The following NKAIN2 variants were observed in gnomAD, a reference collection of about 807,000 sequenced individuals.
The protein encoded by NKAIN2 is sodium/potassium transporting ATPase interacting 2, also known as sodium/potassium-transporting ATPase subunit beta-1-interacting protein 2.
A neutral mutation model predicts 32.6 loss-of-function variants in NKAIN2; 14 were observed. The ratio of observed to expected loss-of-function variants is 0.43; its 90% confidence interval spans 0.28 to 0.67. The LOEUF (loss-of-function observed/expected upper bound fraction) is 0.67. NKAIN2 is among the 30% of genes least tolerant of loss of function. The pLI is 0.17. For missense variants in NKAIN2, 198 were observed against 258.3 expected (o/e 0.77, Z 1.60); for synonymous variants, 80 against 87.2 (o/e 0.92, Z 0.46).
intron 1 of NKAIN2, among the ~76,000 whole-genome samples, chr6:124,184,202 G>A (rs1789594945): frequency 6.6e-6 from 1 of 152,026 alleles, no homozygotes; most frequent in Non-Finnish European, 1.5e-5. Flanking sequence ...GTCTCGAAAT[G>A]TTTGGTTCTC....
rs889925121 is a variant in NKAIN2, at chr6:124,333,035, T to C, written c.193-22232T>C. ...TAATTTAAATAAATATTATTAACAA[T>C]TGAATTCTAGAAATCTGCCTAGAAA... On this transcript the variant is annotated intron_variant, in intron 2 of 6. Transcript: ENST00000368417. Among the ~76,000 whole-genome samples, 5 of 152,146 alleles carry C rather than the reference T, an allele frequency of 3.3e-5. No individual in the cohort carries two copies. The South Asian group carries it at 6.2e-4, about 19-fold the overall frequency.
At chr6:124,525,296 CT>C (rs1249591346) in intron 3 of NKAIN2, among the ~76,000 whole-genome samples, 2 of 150,946 alleles carry the variant, frequency 1.3e-5, no homozygotes, top group East Asian at 1.9e-4. Context: ...GGAGTTTAAC[CT>C]TTTTTTTTCT....
chr6:124,278,261 T>C (rs1217844514), intron 1 of NKAIN2, among the ~76,000 whole-genome samples: 1 of 152,162 alleles, frequency 6.6e-6, no homozygotes, highest in Non-Finnish European at 1.5e-5. Context: ...TGTTTCAGAC[T>C]AAATCCTCTC....
At chr6:124,027,367 C>T (rs1239781479) in intron 1 of NKAIN2, among the ~76,000 whole-genome samples, 2 of 152,078 alleles carry the variant, frequency 1.3e-5, no homozygotes, top group Non-Finnish European at 2.9e-5. Context: ...TCTCTAACTC[C>T]TGACCTCAGG....
intron 1 of NKAIN2, among the ~76,000 whole-genome samples, chr6:124,099,277 AT>A (rs1784778383): frequency 6.6e-6 from 1 of 152,202 alleles, no homozygotes; most frequent in African/African-American, 2.4e-5. Context: ...AAGAGATATT[AT>A]CTGCCTTTTT....
At chr6:124,047,354 A>G (rs778717523) in intron 1 of NKAIN2, among the ~76,000 whole-genome samples, 3 of 152,010 alleles carry the variant, frequency 2.0e-5, no homozygotes, top group Non-Finnish European at 4.4e-5. Flanking sequence ...GAAAGTCAGT[A>G]CAAGTTGTAT....
chr6:123,971,742 C>A (rs1418372768), intron 1 of NKAIN2, among the ~76,000 whole-genome samples: 2 of 152,126 alleles, frequency 1.3e-5, no homozygotes, highest in African/African-American at 4.8e-5. Flanking sequence ...TTAGTGAAAT[C>A]TAACAAGCAC....
At chr6:123,970,283 G>A (rs937747863) in intron 1 of NKAIN2, among the ~76,000 whole-genome samples, 2 of 152,126 alleles carry the variant, frequency 1.3e-5, no homozygotes, top group African/African-American at 2.4e-5. Context: ...AAATGGTAAG[G>A]CTGGTATGTA....
rs1203727219 is a variant in NKAIN2 at position 124,759,634 on chromosome 6, CACACACACACACACACACACA to C, written c.475-31704_475-31684del. ...ACACACACACACACACACACACACA[CACACACACACACACACACACA>C]CCCCCTATCTCCCTTTCCTGCCTTA... On this transcript the variant is annotated intron_variant, in intron 4 of 6. Transcript: ENST00000368417. Among the ~76,000 whole-genome samples the C allele has an allele frequency of 6.9e-4, 95 of 138,586 alleles. 3 individuals are homozygous for C. Among genetic ancestry groups the C allele is most frequent in the Middle Eastern group, 3.6e-3 (1 of 280 alleles). 90.9% of individuals were successfully genotyped at this position (138,586 alleles called of 152,430 possible).
chr6:123,938,572 T>C (rs1242183416), intron 1 of NKAIN2, among the ~76,000 whole-genome samples: 2 of 142,046 alleles, frequency 1.4e-5, no homozygotes, highest in Non-Finnish European at 3.0e-5. Context: ...TTATATATTA[T>C]ATATATTTAT....
intron 3 of NKAIN2, among the ~76,000 whole-genome samples, chr6:124,503,853 C>T (rs901016862): frequency 1.3e-5 from 2 of 152,090 alleles, no homozygotes; most frequent in African/African-American, 4.8e-5. Flanking sequence ...AAATTTGACA[C>T]TCTAATTGGG....
At chr6:124,469,847 T>C (rs765912429) in intron 3 of NKAIN2, among the ~76,000 whole-genome samples, 5 of 152,186 alleles carry the variant, frequency 3.3e-5, no homozygotes, top group Non-Finnish European at 7.3e-5. Context: ...AATTACATGC[T>C]AATTAGATGT....
At chr6:123,860,208 C>T (rs141185283) in intron 1 of NKAIN2, among the ~76,000 whole-genome samples, 96 of 152,206 alleles carry the variant, frequency 6.3e-4, no homozygotes, top group African/African-American at 1.8e-3. Context: ...AGCATTTACT[C>T]ACCCACAGGC....
intron 3 of NKAIN2, among the ~76,000 whole-genome samples, chr6:124,355,653 A>G (rs551511468): frequency 6.6e-6 from 1 of 152,226 alleles, no homozygotes; most frequent in African/African-American, 2.4e-5. Flanking sequence ...CAGAGAAAAA[A>G]ATCTTGAAGA....
chr6:123,876,455 T>TAC (rs368873213), intron 1 of NKAIN2, among the ~76,000 whole-genome samples: 14 of 151,956 alleles, frequency 9.2e-5, no homozygotes, highest in African/African-American at 1.5e-4. Context: ...TATATATACA[T>TAC]ACACACACAC....
At chr6:124,605,192 T>TAGAA (rs1782453132) in intron 3 of NKAIN2, among the ~76,000 whole-genome samples, 1 of 152,076 alleles carries the variant, frequency 6.6e-6, no homozygotes, top group Admixed American at 6.6e-5. Flanking sequence ...AACAAATAAT[T>TAGAA]AGAAATATTG....
intron 3 of NKAIN2, among the ~76,000 whole-genome samples, chr6:124,598,244 A>C (rs374888844): frequency 6.6e-6 from 1 of 152,112 alleles, no homozygotes; most frequent in Non-Finnish European, 1.5e-5. Context: ...TCCCCCAAAT[A>C]ACTGTTTAAA....
At chr6:123,938,420 A>G (rs1776634842) in intron 1 of NKAIN2, among the ~76,000 whole-genome samples, 1 of 41,020 alleles carries the variant, frequency 2.4e-5, no homozygotes, top group Non-Finnish European at 4.0e-5. Flanking sequence ...ATATATATAT[A>G]TATATATATA....
chr6:124,148,225 T>A (rs112197681), intron 1 of NKAIN2, among the ~76,000 whole-genome samples: 6 of 152,140 alleles, frequency 3.9e-5, no homozygotes, highest in Non-Finnish European at 5.9e-5. Flanking sequence ...TGATTACTAT[T>A]TTAACATTTT....
Sources: allele counts gnomAD v4.1 joint callset (sites outside exome capture counted in the v4.1 genomes callset), GRCh38; gene constraint gnomAD v4.1.1; transcripts MANE v1.5; gene names NCBI Gene and HGNC (gene_info 2026-07-23, HGNC 2026-07-21).